Variants in LRRIQ3 observed in about 807,000 individuals in gnomAD.
LRRIQ3 encodes the protein leucine rich repeats and IQ motif containing 3, also known as leucine-rich repeat and IQ domain-containing protein 3.
A neutral mutation model predicts 59.3 loss-of-function variants in LRRIQ3; 75 were observed. The ratio of observed to expected loss-of-function variants is 1.26; its 90% CI spans 1.05 to 1.53. LRRIQ3 has a LOEUF of 1.53. LRRIQ3 is among the 40% of genes most tolerant of loss of function. LRRIQ3 has a pLI of 0.00. For missense variants in LRRIQ3, 831 were observed against 710.0 expected, an observed-to-expected ratio of 1.17 and a Z score of -1.94; for synonymous variants, 250 against 231.3, an observed-to-expected ratio of 1.08 and a Z score of -0.73.
At chr1:74,175,530 A>ATGCTCTG (rs1649587427) in intron 3 of LRRIQ3, among the ~76,000 whole-genome samples, 1 of 152,146 alleles carries the variant, frequency 6.6e-6, no homozygotes, top group Non-Finnish European at 1.5e-5. Context: ...TCTCACTGTG[A>ATGCTCTG]TGCTCTGCTA....
chr1:74,132,443 C>T (rs1261669618), intron 4 of LRRIQ3, among the ~76,000 whole-genome samples: 2 of 152,128 alleles, frequency 1.3e-5, no homozygotes, highest in South Asian at 2.1e-4. Context: ...CTGGAGGCGT[C>T]GTGCTACCTG....
chr1:74,183,973 CTG>C (rs1650188809), intron 1 of LRRIQ3, among the ~76,000 whole-genome samples: 1 of 151,880 alleles, frequency 6.6e-6, no homozygotes, highest in South Asian at 2.1e-4. Flanking sequence ...AGTGAAGAAA[CTG>C]AGATAAAATC....
intron 5 of LRRIQ3, among the ~76,000 whole-genome samples, chr1:74,086,487 A>T (rs1646328475): frequency 2.0e-5 from 3 of 152,036 alleles, no homozygotes; most frequent in Admixed American, 2.0e-4. Context: ...CTCTTTTTCT[A>T]ATTCCTAGTG....
At chr1:74,140,191 T>C (rs141661645) in intron 4 of LRRIQ3, among the ~76,000 whole-genome samples, 30 of 151,818 alleles carry the variant, frequency 2.0e-4, no homozygotes, top group African/African-American at 6.8e-4. Flanking sequence ...GATAGACAGA[T>C]AAAGATAAAT....
chr1:74,130,362 G>T (rs530827002), intron 4 of LRRIQ3, among the ~76,000 whole-genome samples: 42 of 152,138 alleles, frequency 2.8e-4, no homozygotes, highest in African/African-American at 9.1e-4. Context: ...TCCACCAAGT[G>T]CCACTTTCCA....
At chr1:74,072,921 A>G (rs1427810315) in intron 6 of LRRIQ3, among the ~76,000 whole-genome samples, 1 of 152,208 alleles carries the variant, frequency 6.6e-6, no homozygotes, top group Non-Finnish European at 1.5e-5. Flanking sequence ...AAGTATAAAT[A>G]TAACAAAATA....
intron 2 of LRRIQ3, 149 bp from the exon 3 acceptor site, chr1:74,183,010 A>G (rs1424284992): frequency 2.1e-6 from 1 of 482,072 alleles, no homozygotes. Context: ...TAATTATCCA[A>G]TGATGGCCAG....
chr1:74,181,228 C>G (rs1026580808), intron 3 of LRRIQ3: 1 of 155,188 alleles, frequency 6.4e-6, no homozygotes, highest in African/African-American at 2.4e-5. Context: ...CAATCCTAAT[C>G]ACATCATTTT....
chr1:74,101,761 G>C (rs1646536423), intron 5 of LRRIQ3, among the ~76,000 whole-genome samples: 1 of 152,068 alleles, frequency 6.6e-6, no homozygotes. Flanking sequence ...CCTTTGGAGG[G>C]ACATGGATGA....
At chr1:74,172,063 G>A (rs1015652322) in intron 3 of LRRIQ3, among the ~76,000 whole-genome samples, 1 of 151,972 alleles carries the variant, frequency 6.6e-6, no homozygotes, top group Admixed American at 6.6e-5. Context: ...AAAGCCAACT[G>A]AATTTTGTTG....
chr1:74,194,012 T>C (rs534751455), intron 1 of LRRIQ3, among the ~76,000 whole-genome samples: 1 of 152,160 alleles, frequency 6.6e-6, no homozygotes, highest in Non-Finnish European at 1.5e-5. Context: ...AAAGAAATTA[T>C]ATTTTTTAAA....
intron 6 of LRRIQ3, among the ~76,000 whole-genome samples, chr1:74,047,895 T>C (rs896712070): frequency 1.3e-5 from 2 of 152,114 alleles, no homozygotes; most frequent in Admixed American, 6.6e-5. Flanking sequence ...GGTCATAAAG[T>C]GAAACCCTGA....
intron 7 of LRRIQ3, among the ~76,000 whole-genome samples, chr1:74,036,604 C>T (rs1325768953): frequency 1.3e-5 from 2 of 152,072 alleles, no homozygotes; most frequent in Non-Finnish European, 2.9e-5. Flanking sequence ...ATTGTCTATT[C>T]GTAATGTTTG....
chr1:74,093,359 T>C (rs946578328), intron 5 of LRRIQ3, among the ~76,000 whole-genome samples: 1 of 152,142 alleles, frequency 6.6e-6, no homozygotes, highest in Non-Finnish European at 1.5e-5. Flanking sequence ...AGAGAGTGTT[T>C]ACTATTCCTA....
chr1:74,121,006 C>A (rs1039847826), intron 4 of LRRIQ3, among the ~76,000 whole-genome samples: 1 of 151,862 alleles, frequency 6.6e-6, no homozygotes, highest in East Asian at 1.9e-4. Flanking sequence ...TTTTTATTAC[C>A]CTGTCATGTA....
chr1:74,107,886 A>C (rs1383656512), intron 5 of LRRIQ3, among the ~76,000 whole-genome samples: 2 of 151,704 alleles, frequency 1.3e-5, no homozygotes, highest in Non-Finnish European at 3.0e-5. Context: ...TAACATTAAT[A>C]ATTACACATT....
At chr1:74,064,692 G>T (rs1011443811) in intron 6 of LRRIQ3, among the ~76,000 whole-genome samples, 2 of 151,860 alleles carry the variant, frequency 1.3e-5, no homozygotes, top group African/African-American at 4.8e-5. Context: ...ATTTTTGAAA[G>T]ACACTTTTTC....
At chr1:74,095,563 T>C (rs747717265) in intron 5 of LRRIQ3, among the ~76,000 whole-genome samples, 6 of 152,112 alleles carry the variant, frequency 3.9e-5, no homozygotes, top group Non-Finnish European at 7.4e-5. Flanking sequence ...TTGTTAAATA[T>C]ATTATTCCTA....
chr1:74,116,791 T>A (rs754785087), intron 4 of LRRIQ3, among the ~76,000 whole-genome samples: 16 of 152,122 alleles, frequency 1.1e-4, no homozygotes, highest in Non-Finnish European at 1.6e-4. Flanking sequence ...ATGAAAAAAT[T>A]TAAGCCATTA....
Sources: gnomAD v4.1 joint callset for allele counts (sites outside exome capture counted in the v4.1 genomes callset) on GRCh38, gnomAD v4.1.1 for gene constraint, MANE v1.5 for transcripts, NCBI Gene and HGNC (gene_info 2026-07-23, HGNC 2026-07-21) for gene names.